Variants in LRRC18 observed in about 807,000 individuals in gnomAD.
The protein encoded by LRRC18 is leucine-rich repeat-containing protein 18.
In LRRC18, 12 loss-of-function variants were observed where a neutral mutation model predicts 11.2. The observed-to-expected ratio is 1.07, with a 90% confidence interval of 0.69 to 1.74. LRRC18 has a LOEUF of 1.74. LRRC18 is among the 40% of genes most tolerant of loss of function. The pLI, the probability that LRRC18 is intolerant of heterozygous loss-of-function variation, is 0.00. For synonymous variants in LRRC18, 155 were observed against 130.6 expected (o/e 1.19, Z -1.27); for missense variants, 374 against 330.5 (o/e 1.13, Z -1.02).
intron 1 of LRRC18, chr10:48,910,776 G>T (rs974182102): frequency 7.5e-6 from 2 of 267,336 alleles, no homozygotes; most frequent in African/African-American, 2.3e-5. Context: ...TGAGTGTCAG[G>T]CCAGCCAAGC....
chr10:48,931,947 G>A, the LRRC18 span, among the ~76,000 whole-genome samples: 1 of 152,232 alleles, frequency 6.6e-6, no homozygotes, highest in East Asian at 1.9e-4. Flanking sequence ...CCACATGTTA[G>A]TCATGCCGGC....
chr10:48,916,201 C>A (rs966798336), upstream of LRRC18, among the ~76,000 whole-genome samples: 1 of 152,152 alleles, frequency 6.6e-6, no homozygotes, highest in African/African-American at 2.4e-5. Context: ...TCCCCTCAAC[C>A]GTTTCTCTTG....
chr10:48,919,817 A>G, the LRRC18 span, among the ~76,000 whole-genome samples: 1 of 152,252 alleles, frequency 6.6e-6, no homozygotes, highest in Non-Finnish European at 1.5e-5. Context: ...GGGGGACACA[A>G]ACATTCAATC....
the LRRC18 span, among the ~76,000 whole-genome samples, chr10:48,936,674 A>G: frequency 1.5e-4 from 23 of 151,592 alleles, no homozygotes; most frequent in Non-Finnish European, 2.9e-5. Flanking sequence ...CGTCTCTACT[A>G]AAAATACAAA....
chr10:48,912,573 CA>C (rs1838103577), intron 1 of LRRC18, among the ~76,000 whole-genome samples: 1 of 152,232 alleles, frequency 6.6e-6, no homozygotes, highest in African/African-American at 2.4e-5. Context: ...CTCCAGCTTG[CA>C]CCAGGCAAGC....
the LRRC18 span, among the ~76,000 whole-genome samples, chr10:48,925,206 A>C: frequency 6.6e-6 from 1 of 152,212 alleles, no homozygotes; most frequent in African/African-American, 2.4e-5. Flanking sequence ...GTAACAGGCC[A>C]GCTCACCTAA....
At chr10:48,928,837 C>G in the LRRC18 span, among the ~76,000 whole-genome samples, 2 of 152,324 alleles carry the variant, frequency 1.3e-5, no homozygotes, top group South Asian at 2.1e-4. Flanking sequence ...TCTAAGGACA[C>G]AGCTGAACTT....
the LRRC18 span, among the ~76,000 whole-genome samples, chr10:48,937,963 A>C: frequency 8.5e-5 from 13 of 152,270 alleles, no homozygotes; most frequent in Middle Eastern, 6.8e-3. Flanking sequence ...CCCAGCTCAC[A>C]CATTCCCTAC....
chr10:48,916,871 A>ATGTGTGTG (rs55891907), upstream of LRRC18, among the ~76,000 whole-genome samples: 8 of 149,388 alleles, frequency 5.4e-5, no homozygotes, highest in East Asian at 1.0e-3. Flanking sequence ...CTTTAAAAAT[A>ATGTGTGTG]TGTGTGTGTG....
chr10:48,935,873 G>T, the LRRC18 span, among the ~76,000 whole-genome samples: 2 of 149,918 alleles, frequency 1.3e-5, no homozygotes, highest in East Asian at 3.9e-4. Context: ...CATGAATAAG[G>T]CTGAAATTAT....
chr10:48,932,665 A>C, the LRRC18 span: 1 of 150,852 alleles, frequency 6.6e-6, no homozygotes. Flanking sequence ...AAAGAGGGAG[A>C]GAGAGAGAAA....
the LRRC18 span, among the ~76,000 whole-genome samples, chr10:48,920,058 C>G: frequency 6.6e-6 from 1 of 151,922 alleles, no homozygotes; most frequent in Non-Finnish European, 1.5e-5. Context: ...ATATAAATGA[C>G]AGCCCAAACT....
chr10:48,925,247 CTG>C, the LRRC18 span, among the ~76,000 whole-genome samples: 21 of 152,340 alleles, frequency 1.4e-4, no homozygotes, highest in African/African-American at 4.8e-4. Flanking sequence ...TCAGATCACT[CTG>C]TGTCCTCTGC....
chr10:48,915,105 G>A (rs142709951), upstream of LRRC18, among the ~76,000 whole-genome samples: 35 of 152,284 alleles, frequency 2.3e-4, no homozygotes, highest in African/African-American at 8.2e-4. Flanking sequence ...AATTCCCAGT[G>A]CTTGTGTTTT....
At chr10:48,928,629 C>T in the LRRC18 span, among the ~76,000 whole-genome samples, 1 of 152,212 alleles carries the variant, frequency 6.6e-6, no homozygotes, top group African/African-American at 2.4e-5. Context: ...TCGTATCATG[C>T]TGGGGCATCT....
the LRRC18 span, among the ~76,000 whole-genome samples, chr10:48,931,909 C>T: frequency 6.6e-6 from 1 of 152,152 alleles, no homozygotes; most frequent in Admixed American, 6.5e-5. Flanking sequence ...AGGGCAGCAC[C>T]CTGGCAGCTT....
the LRRC18 span, among the ~76,000 whole-genome samples, chr10:48,929,063 C>T: frequency 9.2e-5 from 14 of 152,236 alleles, no homozygotes; most frequent in African/African-American, 1.7e-4. Context: ...TTGGAAGATG[C>T]GCTTTTTTAG....
chr10:48,917,602 T>C (rs1838669381), upstream of LRRC18, among the ~76,000 whole-genome samples: 1 of 152,186 alleles, frequency 6.6e-6, no homozygotes, highest in South Asian at 2.1e-4. Context: ...ATTTTTAAAG[T>C]GCTGAAAGAA....
chr10:48,927,159 T>C, the LRRC18 span, among the ~76,000 whole-genome samples: 3 of 152,182 alleles, frequency 2.0e-5, no homozygotes, highest in Non-Finnish European at 4.4e-5. Context: ...TAACCTCTCG[T>C]TAAGTACTTC....
Sources: gnomAD v4.1 joint callset for allele counts (sites outside exome capture counted in the v4.1 genomes callset) on GRCh38, gnomAD v4.1.1 for gene constraint, MANE v1.5 for transcripts, NCBI Gene and HGNC (gene_info 2026-07-23, HGNC 2026-07-21) for gene names.